RMDN2: variants seen among roughly 807,000 people sequenced by gnomAD.
RMDN2 encodes regulator of microtubule dynamics 2.
A neutral mutation model predicts 52.8 loss-of-function variants in RMDN2; 61 were observed. The observed-to-expected ratio is 1.16, with a 90% CI of 0.94 to 1.43. The LOEUF (loss-of-function observed/expected upper bound fraction) is 1.43. RMDN2 is among the 40% of genes most tolerant of loss of function. The pLI is 0.00. For synonymous variants in RMDN2, 180 were observed against 153.1 expected (o/e 1.18, Z -1.30); for missense variants, 592 against 475.3 (o/e 1.25, Z -2.28).
At chr2:37,955,320 C>T (rs1159355753) in intron 2 of RMDN2, among the ~76,000 whole-genome samples, 1 of 152,058 alleles carries the variant, frequency 6.6e-6, no homozygotes, top group East Asian at 1.9e-4. Flanking sequence ...ATGATGTTAG[C>T]TGTGGACTTT....
chr2:37,933,671 C>T (rs982668647), intron 2 of RMDN2, among the ~76,000 whole-genome samples: 1 of 152,254 alleles, frequency 6.6e-6, no homozygotes, highest in African/African-American at 2.4e-5. Flanking sequence ...ACTTGGCAGG[C>T]TGAGGCAGGA....
intron 10 of RMDN2, among the ~76,000 whole-genome samples, chr2:38,050,518 T>C (rs1481931125): frequency 1.3e-5 from 2 of 152,182 alleles, no homozygotes; most frequent in African/African-American, 4.8e-5. Context: ...GTAGGGACTA[T>C]GTGCTTGCTG....
At chr2:38,004,296 A>G (rs1558538785) in intron 10 of RMDN2, 80 bp downstream of exon 10, 4 of 910,840 alleles carry the variant, frequency 4.4e-6, no homozygotes, top group Non-Finnish European at 7.1e-6. Context: ...TCGCTTAGAT[A>G]CATTTGTAGT....
At chr2:38,016,517 G>T (rs1345002368) in intron 10 of RMDN2, among the ~76,000 whole-genome samples, 1 of 152,192 alleles carries the variant, frequency 6.6e-6, no homozygotes, top group Non-Finnish European at 1.5e-5. Context: ...CTGGAGAGAA[G>T]CCATATGAAT....
At chr2:37,977,697 T>TCTTCACATCTCAGATGGGGCGGCGGGGC (rs1672704452) in intron 4 of RMDN2, among the ~76,000 whole-genome samples, 1 of 151,242 alleles carries the variant, frequency 6.6e-6, no homozygotes, top group Non-Finnish European at 1.5e-5. Flanking sequence ...CGCGGCCGGG[T>TCTTCACATCTCAGATGGGGCGGCGGGGC]AGAGGCGCTC....
chr2:37,989,335 T>C (rs6736956), intron 5 of RMDN2, among the ~76,000 whole-genome samples: 65,354 of 151,998 alleles, frequency 0.43, 15,824 homozygotes, highest in East Asian at 0.77. Context: ...CATGTAAATA[T>C]TGTTAGTATC....
At chr2:37,952,030 G>C in intron 2 of RMDN2, 1 of 1,613,412 alleles carries the variant, frequency 6.2e-7, no homozygotes, top group Non-Finnish European at 8.5e-7. Context: ...CCCTCTCAAA[G>C]TGGAACTTTC....
In RMDN2 at chr2:38,017,620, G is replaced by A; in HGVS notation, c.*381G>A. ...AATTTCATTAATGTGGATGAAAAATGGAAAACTCAGCAAAGGACATGAACA... is the reference window on the plus strand; with the variant it reads ...AATTTCATTAATGTGGATGAAAAATAGAAAACTCAGCAAAGGACATGAACA... On this transcript the variant is annotated 3_prime_UTR_variant, in exon 11 of 11. Coordinates refer to ENST00000354545, the MANE Select transcript of RMDN2 (RefSeq NM_001170791.3). The A allele has an allele frequency of 8.3e-7, 1 of 1,204,010 alleles. No individual in the cohort carries two copies. 74.6% of individuals were successfully genotyped at this position (1,204,010 alleles called of 1,614,324 possible).
At chr2:37,979,167 C>A (rs1672974951) in intron 4 of RMDN2, among the ~76,000 whole-genome samples, 1 of 151,978 alleles carries the variant, frequency 6.6e-6, no homozygotes, top group African/African-American at 2.4e-5. Context: ...TTAATTTATC[C>A]ATTTAAGAAA....
At chr2:38,050,685 C>A (rs1305607886) in intron 10 of RMDN2, among the ~76,000 whole-genome samples, 1 of 152,192 alleles carries the variant, frequency 6.6e-6, no homozygotes, top group Admixed American at 6.5e-5. Flanking sequence ...CGAACTTCCA[C>A]ATATGTTAAT....
At chr2:38,009,225 G>A (rs545839583) in intron 10 of RMDN2, among the ~76,000 whole-genome samples, 294 of 152,270 alleles carry the variant, frequency 1.9e-3, no homozygotes, top group Non-Finnish European at 2.9e-3. Flanking sequence ...GGCGTTCTCT[G>A]TATTTCCTGA....
At position 38,004,162 on chromosome 2, in the gene RMDN2, G is replaced by A; in HGVS notation, c.1125G>A (p.Gln375=). ...AKCYTDLEEN[Q]NALKFCNLAL... ...GTTATACTGATCTTGAGGAAAACCA[G>A]AATGCTTTGAAGTTCTGTAATTTGG... is the stretch of plus-strand genomic sequence containing the variant. The change falls in exon 10 of 11, where the codon CAG becomes CAA. Residue 375 remains glutamine (Q), a synonymous_variant. Coordinates refer to ENST00000354545, the MANE Select transcript of RMDN2 (RefSeq NM_001170791.3). The A allele has an allele frequency of 6.2e-7, 1 of 1,613,770 alleles. No homozygotes were observed. The highest frequency in any genetic ancestry group is 2.2e-5 in the East Asian group (1 of 44,804).
At chr2:37,969,195 C>T (rs974469024) in intron 2 of RMDN2, among the ~76,000 whole-genome samples, 12 of 152,018 alleles carry the variant, frequency 7.9e-5, no homozygotes, top group Non-Finnish European at 1.3e-4. Context: ...ATTGTCTTGG[C>T]TCTTCTTGCA....
In RMDN2 at chr2:38,017,211, A is replaced by C; in HGVS notation, c.1205A>C (p.Gln402Pro). Reference protein sequence around the residue: ...KEDKEAQKEMQKIMTSLKR With the variant: ...KEDKEAQKEMPKIMTSLKR ...GATAAAGAGGCACAGAAAGAGATGC[A>C]AAAAATAATGACTTCCTTGAAGAGG... Residue 402 changes from glutamine to proline, a missense_variant, in exon 11 of 11, where the codon CAA (glutamine) becomes CCA (proline). Transcript: ENST00000354545. 6.5e-7 allele frequency: 1 copy of C among 1,534,190 alleles called. No homozygotes were observed. The highest frequency in any genetic ancestry group is 8.8e-7 in the Non-Finnish European group (1 of 1,138,116).
chr2:37,951,273 G>C (rs762682802), intron 2 of RMDN2: 15 of 1,605,040 alleles, frequency 9.3e-6, no homozygotes, highest in Non-Finnish European at 6.8e-6. Context: ...ATGTTCTCCA[G>C]AAGATCAAGT....
At chr2:37,988,866 C>T (rs1674388617) in intron 5 of RMDN2, among the ~76,000 whole-genome samples, 1 of 151,966 alleles carries the variant, frequency 6.6e-6, no homozygotes, top group South Asian at 2.1e-4. Flanking sequence ...AACTTAAAGT[C>T]AAATAACTAT....
At chr2:37,954,797 T>C (rs1051025647) in intron 2 of RMDN2, among the ~76,000 whole-genome samples, 2 of 152,130 alleles carry the variant, frequency 1.3e-5, no homozygotes, top group African/African-American at 4.8e-5. Context: ...TTGGGTAGGA[T>C]TGACATCTTA....
At chr2:38,026,519 C>G (rs931372929) in intron 10 of RMDN2, among the ~76,000 whole-genome samples, 1 of 151,968 alleles carries the variant, frequency 6.6e-6, no homozygotes. Flanking sequence ...TCTTCCTTCT[C>G]TTTACTTTGG....
At chr2:37,982,491 C>T (rs1054970154) in intron 5 of RMDN2, among the ~76,000 whole-genome samples, 36 of 152,166 alleles carry the variant, frequency 2.4e-4, no homozygotes, top group African/African-American at 8.4e-4. Context: ...CACCCTAACC[C>T]TGTAGAAATC....
Sources: allele counts gnomAD v4.1 joint callset (sites outside exome capture counted in the v4.1 genomes callset), GRCh38; gene constraint gnomAD v4.1.1; transcripts MANE v1.5; gene names NCBI Gene and HGNC (gene_info 2026-07-23, HGNC 2026-07-21).